Variants in CFAP46 observed in about 807,000 individuals in gnomAD.
CFAP46 encodes cilia and flagella associated protein 46, also known as cilia- and flagella-associated protein 46.
CFAP46 carries 245 observed loss-of-function variants against 325.7 expected under a neutral mutation model. That is an observed-to-expected ratio of 0.75 (90% CI 0.68 to 0.84). The LOEUF (loss-of-function observed/expected upper bound fraction) is 0.84, where lower values mean the gene tolerates loss of function less well. CFAP46 is among the 40% of genes least tolerant of loss of function. The pLI is 0.00. For missense variants in CFAP46, 3,346 were observed against 3,543.0 expected (o/e 0.94, Z 1.41); for synonymous variants, 1,523 against 1,495.9 (o/e 1.02, Z -0.42).
chr10:132,829,751 A>G (rs2062914220), intron 50 of CFAP46, among the ~76,000 whole-genome samples: 1 of 152,220 alleles, frequency 6.6e-6, no homozygotes, highest in South Asian at 2.1e-4. Context: ...GGTTTTGTCA[A>G]ATGCTTTTCT....
chr10:132,907,446 C>G (rs1389253428), intron 22 of CFAP46, among the ~76,000 whole-genome samples: 1 of 152,114 alleles, frequency 6.6e-6, no homozygotes, highest in Non-Finnish European at 1.5e-5. Context: ...GCTATGCTGA[C>G]GACGGGGACC....
At position 132,913,209 on chromosome 10, in the gene CFAP46, A is replaced by G. The variant is rs1423394750; in HGVS notation, c.2170T>C (p.Ser724Pro). The G allele has an allele frequency of 6.5e-7, 1 of 1,550,334 alleles. No homozygotes were observed. Among genetic ancestry groups the G allele is most frequent in the East Asian group, 2.4e-5 (1 of 40,928 alleles). The change falls in exon 18 of 58, where the codon TCC (serine) becomes CCC (proline). Residue 724 changes from serine (S) to proline (P), a missense_variant. By Grantham distance (74) the Ser-to-Pro change is moderately conservative. Coordinates refer to ENST00000368586, the MANE Select transcript of CFAP46 (RefSeq NM_001200049.3). ...SRCAMNNWLR[S>P]AEIGQEIQEA... ...TGGATCTCCTGTCCGATCTCTGCGG[A>G]GCGCAGCCAGTTATTCATGGCACAC...
At position 132,869,464 on chromosome 10, in the gene CFAP46, A is replaced by G; in HGVS notation, c.4512-92T>C. The G allele has an allele frequency of 1.2e-6, 1 of 866,276 alleles. No homozygotes were observed. The highest frequency in any genetic ancestry group is 1.7e-6 in the Non-Finnish European group (1 of 598,816). 53.7% of individuals were successfully genotyped at this position (866,276 alleles called of 1,614,324 possible). A position where few individuals can be genotyped will look rare whatever the true frequency, so the allele number is the denominator to read the frequency against. ...TAGTGTGCTTCACAGAAAACGGTCA[A>G]CTAACACATCGAGGCACACTTGGAT... On this transcript the variant is annotated intron_variant, in intron 32 of 57. Transcript: ENST00000368586. The surrounding 1 kb of genome is among the most constrained non-coding windows in gnomAD (Gnocchi z 6.2).
chr10:132,925,429 C>A (rs1205617296), intron 10 of CFAP46, among the ~76,000 whole-genome samples: 1 of 152,268 alleles, frequency 6.6e-6, no homozygotes, highest in Non-Finnish European at 1.5e-5. Context: ...CTGAACCTCA[C>A]AACTCCATCC....
chr10:132,826,059 C>A (rs1848041518), intron 50 of CFAP46, among the ~76,000 whole-genome samples: 1 of 121,662 alleles, frequency 8.2e-6, no homozygotes, highest in African/African-American at 3.3e-5. Flanking sequence ...GCCGTAGCCA[C>A]AGAGACCAGC....
At chr10:132,831,991 T>C (rs570609134) in intron 50 of CFAP46, among the ~76,000 whole-genome samples, 1 of 152,318 alleles carries the variant, frequency 6.6e-6, no homozygotes, top group South Asian at 2.1e-4. Flanking sequence ...ATTATACCAC[T>C]TTCTCCAGAG....
intron 55 of CFAP46, among the ~76,000 whole-genome samples, chr10:132,812,123 A>G (rs2002013): frequency 0.73 from 111,589 of 152,182 alleles, 42,291 homozygotes; most frequent in African/African-American, 0.92. Flanking sequence ...CCTCCTGACC[A>G]CTCGCCCTGC....
intron 39 of CFAP46, among the ~76,000 whole-genome samples, chr10:132,854,953 C>T (rs1374273052): frequency 6.6e-6 from 1 of 152,150 alleles, no homozygotes; most frequent in Non-Finnish European, 1.5e-5. Flanking sequence ...AAAATACAGT[C>T]CATCTTGAAA....
Position 132,913,212 on chromosome 10 carries a change from G to A in CFAP46, c.2167C>T (p.Arg723Cys), listed in dbSNP as rs747871451. ...LSRCAMNNWL[R>C]SAEIGQEIQE... ...ATCTCCTGTCCGATCTCTGCGGAGC[G>A]CAGCCAGTTATTCATGGCACACCGG... The change falls in exon 18 of 58, where the codon CGC (arginine) becomes TGC (cysteine). Residue 723 changes from arginine to cysteine, a missense_variant. By Grantham distance (180) the Arg-to-Cys change is radical. Coordinates refer to ENST00000368586, the MANE Select transcript of CFAP46 (RefSeq NM_001200049.3). The A allele has an allele frequency of 2.4e-5, 37 of 1,550,338 alleles. 1 individual carries two copies. The East Asian group carries it at 2.4e-4, about 10-fold the overall frequency.
At chr10:132,814,482 G>A (rs1364006904) in intron 53 of CFAP46, 95 bp downstream of exon 53, 44 of 1,456,892 alleles carry the variant, frequency 3.0e-5, no homozygotes, top group Admixed American at 6.2e-5. Flanking sequence ...TCGGAGCCTC[G>A]AGGAGTGGGG....
intron 50 of CFAP46, among the ~76,000 whole-genome samples, chr10:132,821,568 G>T (rs1379880187): frequency 1.4e-5 from 2 of 141,256 alleles, no homozygotes; most frequent in African/African-American, 2.7e-5. Flanking sequence ...TGTGCTGTGT[G>T]TGCGCTGATG....
At position 132,938,585 on chromosome 10, in the gene CFAP46, T is replaced by C; in HGVS notation, c.536+4A>G. ...CCACAGAGGGCACGGCGAGCTCAAC[T>C]CACAGCATCAGCTCAGCACGCCACT... On this transcript the variant is annotated splice_donor_region_variant and intron_variant, in intron 5 of 57. Transcript: ENST00000368586. The C allele has an allele frequency of 6.2e-7, 1 of 1,612,198 alleles. No individual in the cohort carries two copies. Among genetic ancestry groups the C allele is most frequent in the Non-Finnish European group, 8.5e-7 (1 of 1,179,612 alleles).
intron 9 of CFAP46, 117 bp downstream of exon 9, chr10:132,929,588 G>C (rs374862506): frequency 1.0e-6 from 1 of 963,486 alleles, no homozygotes; most frequent in Non-Finnish European, 1.7e-6. Context: ...TGCCAACCAC[G>C]GACCGAAGCC....
intron 50 of CFAP46, among the ~76,000 whole-genome samples, chr10:132,821,341 GTGTGCTGATGTGTGC>G (rs1847817777): frequency 6.9e-6 from 1 of 144,728 alleles, no homozygotes; most frequent in Admixed American, 6.7e-5. Flanking sequence ...GATGTGTGCT[GTGTGCTGATGTGTGC>G]TGTGTGTGCT....
At chr10:132,853,194 A>G (rs1458473422) in intron 39 of CFAP46, among the ~76,000 whole-genome samples, 7 of 152,162 alleles carry the variant, frequency 4.6e-5, no homozygotes, top group Non-Finnish European at 1.5e-5. Context: ...TTTTTCATAG[A>G]TGTCCTTTAT....
chr10:132,925,697 C>T (rs563797566), intron 10 of CFAP46, among the ~76,000 whole-genome samples: 3 of 152,384 alleles, frequency 2.0e-5, no homozygotes, highest in African/African-American at 7.2e-5. Flanking sequence ...CTCAGCCCCA[C>T]GGAGGCAGAC....
chr10:132,859,320 G>A lies in CFAP46; in HGVS notation c.5199-73C>T, dbSNP rs139402912. 13,196 of 1,344,218 alleles carry A rather than the reference G, an allele frequency of 9.8e-3. 100 individuals are homozygous for A. The highest frequency in any genetic ancestry group is 0.013 in the Middle Eastern group (69 of 5,236). The allele number at this position is 1,344,218 out of a possible 1,614,324, so 83.3% of individuals were successfully genotyped here. A position where few individuals can be genotyped will look rare whatever the true frequency, so the allele number is the denominator to read the frequency against. The stretch of plus-strand genomic sequence containing the variant: ...CGTCAGGGCTTGCGGCTGGGCTGCC[G>A]CTGTTCTCCCCGGTGTTCATCCAGG... On this transcript the variant is annotated intron_variant, in intron 37 of 57. Coordinates refer to ENST00000368586, the MANE Select transcript of CFAP46 (RefSeq NM_001200049.3).
rs776993307 is a variant in CFAP46 at position 132,876,909 on chromosome 10, T to C, written c.4265A>G (p.Glu1422Gly). 6.4e-7 allele frequency: 1 copy of C among 1,550,588 alleles called. No homozygotes were observed. The highest frequency in any genetic ancestry group is 1.2e-5 in the South Asian group (1 of 84,054). The stretch of plus-strand genomic sequence containing the variant: ...GGGGCAGGAGTAGGAAGCCCACTCT[T>C]CTATGCTCATGGGTAAGTCTTCCAG... ...KQLEDLPMSI[E>G]EWASYSCPEE... is the part of the protein sequence containing the mutation. The change falls in exon 31 of 58, where the codon GAA (glutamate) becomes GGA (glycine). Residue 1422 changes from glutamate to glycine, a missense_variant. By Grantham distance (98) the Glu-to-Gly change is moderately conservative. Transcript: ENST00000368586. This position sits in a 1 kb window ranked among gnomAD's most constrained non-coding sequence, Gnocchi z 4.1.
chr10:132,821,306 GTGT>G (rs1847815396), intron 50 of CFAP46, among the ~76,000 whole-genome samples: 1 of 140,570 alleles, frequency 7.1e-6, no homozygotes, highest in Non-Finnish European at 1.5e-5. Flanking sequence ...TGTGTGCTGT[GTGT>G]TGTGTGTGCT....
Sources: allele counts gnomAD v4.1 joint callset (sites outside exome capture counted in the v4.1 genomes callset), GRCh38; gene constraint gnomAD v4.1.1; non-coding constraint Gnocchi (gnomAD v3.1); transcripts MANE v1.5; gene names NCBI Gene and HGNC (gene_info 2026-07-23, HGNC 2026-07-21).